Variants in SLC23A2 observed in about 807,000 individuals in gnomAD.
The protein encoded by SLC23A2 is solute carrier family 23 member 2, also known as Na(+)/L-ascorbic acid transporter 2.
A neutral mutation model predicts 73.3 loss-of-function variants in SLC23A2; 36 were observed. The observed-to-expected ratio is 0.49, with a 90% CI of 0.38 to 0.65. The LOEUF (loss-of-function observed/expected upper bound fraction) is 0.65, where lower values mean the gene tolerates loss of function less well. SLC23A2 is among the 30% of genes least tolerant of loss of function. The pLI is 0.00. For synonymous variants in SLC23A2, 343 were observed against 327.3 expected (o/e 1.05, Z -0.52); for missense variants, 507 against 841.6 (o/e 0.60, Z 4.92).
chr20:4,981,060 C>A (rs2087719145), intron 1 of SLC23A2, among the ~76,000 whole-genome samples: 1 of 152,128 alleles, frequency 6.6e-6, no homozygotes, highest in Admixed American at 6.6e-5. Context: ...CCTAAAATAG[C>A]TGTGAATTTC....
intron 3 of SLC23A2, among the ~76,000 whole-genome samples, chr20:4,928,385 TC>T (rs549833567): frequency 0.01 from 1,584 of 152,280 alleles, 11 homozygotes; most frequent in Non-Finnish European, 0.017. Context: ...CAAAACTCCA[TC>T]CCACAAACTA....
At chr20:4,875,689 C>T (rs1211104022) in intron 9 of SLC23A2, among the ~76,000 whole-genome samples, 2 of 152,182 alleles carry the variant, frequency 1.3e-5, no homozygotes, top group Admixed American at 6.5e-5. Flanking sequence ...ACGGGGCTGG[C>T]AGGTGTGGGG....
intron 13 of SLC23A2, among the ~76,000 whole-genome samples, chr20:4,864,077 T>C (rs1930093906): frequency 6.6e-6 from 1 of 152,300 alleles, no homozygotes; most frequent in Non-Finnish European, 1.5e-5. Context: ...TCCTGCACTA[T>C]GGGCCCCTAC....
At chr20:4,960,774 G>A (rs925985349) in intron 2 of SLC23A2, among the ~76,000 whole-genome samples, 3 of 152,186 alleles carry the variant, frequency 2.0e-5, no homozygotes, top group Admixed American at 6.5e-5. Context: ...GACAAACCAG[G>A]TATCTGAAAT....
chr20:4,994,576 A>T (rs2087985579), intron 1 of SLC23A2, among the ~76,000 whole-genome samples: 1 of 152,070 alleles, frequency 6.6e-6, no homozygotes, highest in Non-Finnish European at 1.5e-5. Context: ...CGAGGTCAGG[A>T]GTTCGAGACC....
chr20:4,879,886 C>A (rs937918977), intron 9 of SLC23A2, among the ~76,000 whole-genome samples: 18 of 152,110 alleles, frequency 1.2e-4, no homozygotes, highest in African/African-American at 4.3e-4. Flanking sequence ...ATTTAAAAAA[C>A]AAATTAAGGG....
intron 1 of SLC23A2, among the ~76,000 whole-genome samples, chr20:4,989,441 C>T (rs1046511493): frequency 6.6e-6 from 1 of 151,988 alleles, no homozygotes; most frequent in African/African-American, 2.4e-5. Context: ...GAAGTCTGAA[C>T]ACAAAATTCA....
At chr20:4,974,648 T>TACTAC (rs2122235679) in intron 1 of SLC23A2, among the ~76,000 whole-genome samples, 1 of 152,350 alleles carries the variant, frequency 6.6e-6, no homozygotes, top group East Asian at 1.9e-4. Flanking sequence ...TTTAACCTTA[T>TACTAC]ACTACCCTTA....
chr20:5,002,624 T>C (rs562614581), upstream of SLC23A2, among the ~76,000 whole-genome samples: 1 of 152,306 alleles, frequency 6.6e-6, no homozygotes, highest in South Asian at 2.1e-4. Flanking sequence ...ATTAATGCAG[T>C]TGGGGGAGCA....
intron 12 of SLC23A2, 120 bp downstream of exon 12, chr20:4,869,786 C>G (rs903273559): frequency 6.1e-6 from 5 of 823,672 alleles, no homozygotes; most frequent in South Asian, 1.8e-5. Flanking sequence ...TCGCTAGAGT[C>G]CTGCTGCTTG....
intron 4 of SLC23A2, among the ~76,000 whole-genome samples, chr20:4,907,483 TA>T (rs199898425): frequency 2.6e-5 from 4 of 151,478 alleles, no homozygotes; most frequent in East Asian, 1.9e-4. Flanking sequence ...TTAAAAAGCT[TA>T]AAAAAAAACT....
Position 4,935,521 on chromosome 20 carries a change from G to A in SLC23A2, c.-154-2805C>T, listed in dbSNP as rs148546160. 5.0e-3 allele frequency among the ~76,000 whole-genome samples: 760 copies of A among 152,228 alleles called. 10 individuals are homozygous for A. Among genetic ancestry groups the A allele is most frequent in the African/African-American group, 0.017 (717 of 41,530 alleles). ...TTAATATATAAAATCTGTGCAGGCC[G>A]GGCGCAGTGGTTCACGCCTGTAATC... On this transcript the variant is annotated intron_variant, in intron 2 of 16. Transcript: ENST00000338244.
At chr20:4,946,478 G>A (rs2087120858) in intron 2 of SLC23A2, among the ~76,000 whole-genome samples, 1 of 152,176 alleles carries the variant, frequency 6.6e-6, no homozygotes, top group South Asian at 2.1e-4. Flanking sequence ...AGTTGGGTGG[G>A]GAGGATCATT....
Position 4,938,880 on chromosome 20 carries a change from C to T in SLC23A2, c.-154-6164G>A, listed in dbSNP as rs1328457465. On this transcript the variant is annotated intron_variant, in intron 2 of 16. Coordinates refer to ENST00000338244, the MANE Select transcript of SLC23A2 (RefSeq NM_005116.6). The stretch of plus-strand genomic sequence containing the variant: ...CCTCCAAAATAAGCCCCCTTCATCT[C>T]ACCCCTTCTCACTGGGGTGACTCCC... 2.0e-5 allele frequency among the ~76,000 whole-genome samples: 3 copies of T among 152,104 alleles called. No homozygotes were observed. In the East Asian group the frequency reaches 5.8e-4, roughly 29 times the overall value.
chr20:4,993,471 C>A (rs2087965704), intron 1 of SLC23A2, among the ~76,000 whole-genome samples: 1 of 146,566 alleles, frequency 6.8e-6, no homozygotes, highest in Non-Finnish European at 1.5e-5. Flanking sequence ...ATAAGCACTT[C>A]GGAGAAGGTA....
intron 2 of SLC23A2, among the ~76,000 whole-genome samples, chr20:4,942,945 G>C (rs1262804778): frequency 6.6e-6 from 1 of 151,942 alleles, no homozygotes; most frequent in African/African-American, 2.4e-5. Flanking sequence ...CATCTTTAAG[G>C]CTGGGCACAG....
intron 1 of SLC23A2, among the ~76,000 whole-genome samples, chr20:4,997,446 C>A (rs1214429136): frequency 6.6e-6 from 1 of 152,010 alleles, no homozygotes; most frequent in Non-Finnish European, 1.5e-5. Flanking sequence ...TCACTCCCTA[C>A]ACATCTTTAG....
intron 1 of SLC23A2, among the ~76,000 whole-genome samples, chr20:4,991,243 G>C (rs1372077569): frequency 6.6e-6 from 1 of 151,864 alleles, no homozygotes; most frequent in Non-Finnish European, 1.5e-5. Flanking sequence ...CTAGTCAGTG[G>C]GACCACAGGT....
At chr20:4,874,459 T>G (rs1930577174) in intron 10 of SLC23A2, 117 bp downstream of exon 10, 1 of 912,898 alleles carries the variant, frequency 1.1e-6, no homozygotes, top group Non-Finnish European at 1.7e-6. Flanking sequence ...TAGCCTGGTC[T>G]CACTGCACAG....
Sources: allele counts gnomAD v4.1 joint callset (sites outside exome capture counted in the v4.1 genomes callset), GRCh38; gene constraint gnomAD v4.1.1; transcripts MANE v1.5; gene names NCBI Gene and HGNC (gene_info 2026-07-23, HGNC 2026-07-21).